Variants in TMTC2 observed in about 807,000 individuals in gnomAD.
The protein encoded by TMTC2 is protein O-mannosyl-transferase TMTC2.
A neutral mutation model predicts 82.4 loss-of-function variants in TMTC2; 43 were observed. The ratio of observed to expected loss-of-function variants is 0.52; its 90% CI spans 0.41 to 0.67. The LOEUF (loss-of-function observed/expected upper bound fraction) is 0.67, where lower values mean the gene tolerates loss of function less well. Among genes scored for constraint, TMTC2 ranks in the 30% least tolerant of loss-of-function variants. TMTC2 has a pLI of 0.00. For synonymous variants in TMTC2, 408 were observed against 381.9 expected, an observed-to-expected ratio of 1.07 and a Z score of -0.80; for missense variants, 919 against 1,012.4, an observed-to-expected ratio of 0.91 and a Z score of 1.25.
At chr12:82,994,727 G>T (rs143921476) in intron 8 of TMTC2, among the ~76,000 whole-genome samples, 306 of 151,948 alleles carry the variant, frequency 2.0e-3, no homozygotes, top group African/African-American at 7.0e-3. Flanking sequence ...ATAAGCAGTG[G>T]TGGTACAAAG....
intron 9 of TMTC2, among the ~76,000 whole-genome samples, chr12:83,050,071 A>C (rs1032607796): frequency 6.6e-6 from 1 of 152,218 alleles, no homozygotes; most frequent in Non-Finnish European, 1.5e-5. Context: ...ATGAAACCTC[A>C]AACAGGAAGA....
chr12:82,931,459 C>T (rs570786792), intron 4 of TMTC2, among the ~76,000 whole-genome samples: 22 of 152,200 alleles, frequency 1.4e-4, no homozygotes, highest in South Asian at 6.2e-4. Flanking sequence ...GCTGGTACAA[C>T]GAGATGTGAG....
At position 82,706,805 on chromosome 12, in the gene TMTC2, G is replaced by T. The variant is rs545689000; in HGVS notation, c.83+19136G>T. ...TTCTGTTGGACAAGTGAGTAAAAAA[G>T]AAACACATATGTAGATCACTTTTGG... On this transcript the variant is annotated intron_variant, in intron 1 of 11. Transcript: ENST00000321196. Among the ~76,000 whole-genome samples the T allele has an allele frequency of 2.6e-5, 4 of 152,242 alleles. No homozygotes were observed. In the South Asian group the frequency reaches 8.3e-4, roughly 32 times the overall value.
chr12:82,922,308 A>G (rs1875444186), intron 3 of TMTC2, among the ~76,000 whole-genome samples: 1 of 152,230 alleles, frequency 6.6e-6, no homozygotes, highest in African/African-American at 2.4e-5. Context: ...TGGTCCAAAG[A>G]ATAAGTACCA....
At chr12:82,865,877 A>G (rs1200681415) in intron 2 of TMTC2, among the ~76,000 whole-genome samples, 1 of 152,212 alleles carries the variant, frequency 6.6e-6, no homozygotes, top group Non-Finnish European at 1.5e-5. Context: ...CCACTCAACT[A>G]CATGGAAACA....
chr12:82,848,889 G>T (rs10506884), intron 1 of TMTC2, among the ~76,000 whole-genome samples: 8,816 of 152,184 alleles, frequency 0.058, 345 homozygotes, highest in East Asian at 0.095. Flanking sequence ...GAGCATTGGT[G>T]GTTGAAGCAT....
chr12:83,004,825 C>A (rs1234954488), intron 8 of TMTC2, among the ~76,000 whole-genome samples: 1 of 126,586 alleles, frequency 7.9e-6, no homozygotes, highest in Non-Finnish European at 1.6e-5. Context: ...GCTTAAGAGT[C>A]ATGGCTGGCA....
chr12:83,072,220 G>T (rs1883143954), intron 11 of TMTC2, among the ~76,000 whole-genome samples: 1 of 152,116 alleles, frequency 6.6e-6, no homozygotes, highest in Non-Finnish European at 1.5e-5. Flanking sequence ...TTGTCGTTCA[G>T]TTCAAAGAAT....
intron 1 of TMTC2, among the ~76,000 whole-genome samples, chr12:82,793,540 T>C (rs1017588775): frequency 2.0e-5 from 3 of 152,146 alleles, no homozygotes; most frequent in African/African-American, 7.2e-5. Context: ...AAGAACATGC[T>C]TTCATTATAA....
intron 11 of TMTC2, among the ~76,000 whole-genome samples, chr12:83,121,902 G>C (rs781603095): frequency 1.3e-5 from 2 of 152,118 alleles, no homozygotes; most frequent in African/African-American, 2.4e-5. Context: ...GATTGTCCCT[G>C]CTGTGTCATG....
chr12:82,897,566 C>T (rs1298587364), intron 3 of TMTC2, among the ~76,000 whole-genome samples: 1 of 152,090 alleles, frequency 6.6e-6, no homozygotes, highest in African/African-American at 2.4e-5. Flanking sequence ...TGCTCTGTCG[C>T]CCAGGCCGGA....
At chr12:82,878,417 ATG>A (rs1021941898) in intron 2 of TMTC2, among the ~76,000 whole-genome samples, 1 of 152,230 alleles carries the variant, frequency 6.6e-6, no homozygotes, top group African/African-American at 2.4e-5. Flanking sequence ...GCAGGGATTA[ATG>A]TAACCTGGAG....
At chr12:82,869,447 A>T (rs1872051966) in intron 2 of TMTC2, among the ~76,000 whole-genome samples, 1 of 152,122 alleles carries the variant, frequency 6.6e-6, no homozygotes, top group Admixed American at 6.6e-5. Context: ...TCCTATAATG[A>T]CATTAAATAT....
At chr12:83,048,929 A>G (rs1223852425) in intron 9 of TMTC2, among the ~76,000 whole-genome samples, 2 of 152,180 alleles carry the variant, frequency 1.3e-5, no homozygotes, top group Non-Finnish European at 2.9e-5. Context: ...TTGGCCTCCC[A>G]AAGTGCTGGG....
At chr12:83,019,068 G>A (rs1359491178) in intron 8 of TMTC2, among the ~76,000 whole-genome samples, 1 of 152,188 alleles carries the variant, frequency 6.6e-6, no homozygotes, top group East Asian at 1.9e-4. Flanking sequence ...AGAATTCTGG[G>A]CAGGCTTAAT....
chr12:83,066,093 A>G (rs1304827646), intron 11 of TMTC2, among the ~76,000 whole-genome samples: 3 of 151,976 alleles, frequency 2.0e-5, no homozygotes, highest in Non-Finnish European at 4.4e-5. Context: ...GAAATGTACA[A>G]TCTAATGTGG....
At chr12:82,798,622 A>G (rs1878843680) in intron 1 of TMTC2, among the ~76,000 whole-genome samples, 1 of 151,630 alleles carries the variant, frequency 6.6e-6, no homozygotes, top group Non-Finnish European at 1.5e-5. Context: ...GCCTGGCTAA[A>G]GTGGTGAAAC....
chr12:82,919,144 C>T (rs188196148), intron 3 of TMTC2, among the ~76,000 whole-genome samples: 1 of 152,308 alleles, frequency 6.6e-6, no homozygotes, highest in Admixed American at 6.5e-5. Flanking sequence ...GTGCTGGCAT[C>T]TGGCAAGGGT....
At chr12:82,699,248 C>CA (rs1872957728) in intron 1 of TMTC2, among the ~76,000 whole-genome samples, 1 of 152,204 alleles carries the variant, frequency 6.6e-6, no homozygotes, top group Non-Finnish European at 1.5e-5. Context: ...TTGTGGCCAG[C>CA]AGTTTCCAGT....
Sources: allele counts gnomAD v4.1 joint callset (sites outside exome capture counted in the v4.1 genomes callset), GRCh38; gene constraint gnomAD v4.1.1; transcripts MANE v1.5; gene names NCBI Gene and HGNC (gene_info 2026-07-23, HGNC 2026-07-21).